The following SYDE2 variants were observed in gnomAD, a reference collection of about 807,000 sequenced individuals.
SYDE2 encodes rho GTPase-activating protein SYDE2.
In SYDE2, 76 loss-of-function variants were observed where a neutral mutation model predicts 91.5. That is an observed-to-expected ratio of 0.83 (90% confidence interval 0.69 to 1.01). The LOEUF (loss-of-function observed/expected upper bound fraction) is 1.01, where lower values mean the gene tolerates loss of function less well. Among genes scored for constraint, SYDE2 ranks in the 50% least tolerant of loss-of-function variants. The pLI, the probability that SYDE2 is intolerant of heterozygous loss-of-function variation, is 0.00. For missense variants in SYDE2, 1,364 were observed against 1,367.7 expected, an observed-to-expected ratio of 1.00 and a Z score of 0.04; for synonymous variants, 513 against 506.4, an observed-to-expected ratio of 1.01 and a Z score of -0.18.
intron 1 of SYDE2, among the ~76,000 whole-genome samples, chr1:85,194,561 TA>T (rs1346641191): frequency 6.6e-6 from 1 of 151,046 alleles, no homozygotes; most frequent in Non-Finnish European, 1.5e-5. Flanking sequence ...TAAAAATAAG[TA>T]TGCAAAGTTA....
At chr1:85,174,664 T>C (rs1657626599) in intron 4 of SYDE2, among the ~76,000 whole-genome samples, 1 of 152,148 alleles carries the variant, frequency 6.6e-6, no homozygotes, top group Non-Finnish European at 1.5e-5. Context: ...TTACTCTTTT[T>C]GGCCTTACCA....
chr1:85,180,444 C>A (rs1436620082), intron 3 of SYDE2, among the ~76,000 whole-genome samples: 1 of 152,128 alleles, frequency 6.6e-6, no homozygotes, highest in African/African-American at 2.4e-5. Context: ...GTAATCCCAG[C>A]ACTTTGGGAG....
At chr1:85,195,086 C>T (rs562872830) in intron 1 of SYDE2, among the ~76,000 whole-genome samples, 7 of 151,086 alleles carry the variant, frequency 4.6e-5, no homozygotes, top group East Asian at 1.9e-4. Context: ...CGTGAACCCG[C>T]GAGGCAGAGC....
intron 4 of SYDE2, among the ~76,000 whole-genome samples, chr1:85,174,424 G>A (rs1657614910): frequency 6.6e-6 from 1 of 150,730 alleles, no homozygotes; most frequent in South Asian, 2.1e-4. Context: ...ACCATATTCT[G>A]GGCTTCAAAA....
intron 5 of SYDE2, among the ~76,000 whole-genome samples, chr1:85,168,199 C>T (rs1017713903): frequency 1.3e-5 from 2 of 152,140 alleles, no homozygotes; most frequent in African/African-American, 4.8e-5. Context: ...TCACCCCACC[C>T]TTGTGCTTCT....
intron 4 of SYDE2, among the ~76,000 whole-genome samples, chr1:85,173,220 C>T (rs903015437): frequency 6.6e-6 from 1 of 152,030 alleles, no homozygotes; most frequent in Non-Finnish European, 1.5e-5. Flanking sequence ...AGAGAGAGAG[C>T]AGATGATATG....
chr1:85,192,517 G>T (rs1658410240), intron 1 of SYDE2, among the ~76,000 whole-genome samples: 1 of 152,082 alleles, frequency 6.6e-6, no homozygotes, highest in African/African-American at 2.4e-5. Flanking sequence ...AACACAAATT[G>T]CAAGTCACAT....
intron 3 of SYDE2, among the ~76,000 whole-genome samples, 181 bp from the exon 4 acceptor site, chr1:85,178,453 A>G (rs1343816422): frequency 3.3e-5 from 5 of 152,190 alleles, no homozygotes; most frequent in African/African-American, 7.2e-5. Context: ...AAAATATCCT[A>G]TTCTTTCATT....
At chr1:85,198,414 T>C (rs186862375) in intron 1 of SYDE2, among the ~76,000 whole-genome samples, 3 of 152,334 alleles carry the variant, frequency 2.0e-5, no homozygotes, top group Admixed American at 6.5e-5. Context: ...ATACTAGATA[T>C]GTAAACACTG....
At chr1:85,185,198 A>G (rs537916294) in intron 2 of SYDE2, among the ~76,000 whole-genome samples, 20 of 147,834 alleles carry the variant, frequency 1.4e-4, no homozygotes, top group African/African-American at 4.9e-4. Context: ...ATTTTACAAT[A>G]TTAAATGTAA....
At chr1:85,187,706 T>A (rs199669666) in intron 2 of SYDE2, among the ~76,000 whole-genome samples, 1 of 142,102 alleles carries the variant, frequency 7.0e-6, no homozygotes, top group African/African-American at 2.5e-5. Flanking sequence ...ATGAGTTCAT[T>A]TCCTTTGTAG....
chr1:85,171,430 G>A lies in SYDE2; in HGVS notation c.2672-2205C>T, dbSNP rs557443882. Among the ~76,000 whole-genome samples, 297 of 152,210 alleles carry A rather than the reference G, an allele frequency of 2.0e-3. 2 individuals are homozygous for A. Among genetic ancestry groups the A allele is most frequent in the African/African-American group, 6.9e-3 (287 of 41,528 alleles). On this transcript the variant is annotated intron_variant, in intron 4 of 6. Coordinates refer to ENST00000341460, the MANE Select transcript of SYDE2 (RefSeq NM_032184.2). ...GGCGAGAGGAGAGTGGCAAAAGTGA[G>A]GCCAAGTCGAGGAAAAATGTTTCAA...
intron 4 of SYDE2, among the ~76,000 whole-genome samples, chr1:85,172,694 T>C (rs1246297972): frequency 6.6e-6 from 1 of 152,160 alleles, no homozygotes; most frequent in Admixed American, 6.5e-5. Flanking sequence ...GGAGAGACTT[T>C]GCAGGTCGCA....
chr1:85,154,641 G>C (rs114686629), downstream of SYDE2, among the ~76,000 whole-genome samples: 408 of 151,374 alleles, frequency 2.7e-3, 1 homozygote, highest in African/African-American at 9.1e-3. Flanking sequence ...TCATTCAGCT[G>C]CTCAGGCCCT....
chr1:85,190,765 T>A lies in SYDE2; in HGVS notation c.746-13A>T. The A allele has an allele frequency of 6.3e-7, 1 of 1,575,574 alleles. No homozygotes were observed. Among genetic ancestry groups the A allele is most frequent in the Non-Finnish European group, 8.6e-7 (1 of 1,161,130 alleles). ...TTTTCAAATAAATCTGTTGCAAAGA[T>A]AGAATAGAAGGTAGAATATAATGGC... On this transcript the variant is annotated splice_polypyrimidine_tract_variant and intron_variant, in intron 1 of 6. Coordinates refer to ENST00000341460, the MANE Select transcript of SYDE2 (RefSeq NM_032184.2).
rs756892462 is a variant in SYDE2 at position 85,169,086 on chromosome 1, C to T, written c.2811G>A (p.Lys937=). 29 of 1,613,902 alleles carry T rather than the reference C, an allele frequency of 1.8e-5. No individual in the cohort carries two copies. The highest frequency in any genetic ancestry group is 2.5e-5 in the Non-Finnish European group (29 of 1,179,812). ...GACAATCCAGCAGGTCAACAGTGTA[C>T]TTAGAGTCACCTGGGTCATTCTCAC... is the stretch of plus-strand genomic sequence containing the variant. ...NGCENDPGDS[K]YTVDLLDCLP... is the part of the protein sequence containing the mutation. Residue 937 remains lysine (K), a synonymous_variant, in exon 5 of 7, where the codon AAG becomes AAA. Coordinates refer to ENST00000341460, the MANE Select transcript of SYDE2 (RefSeq NM_032184.2).
intron 1 of SYDE2, among the ~76,000 whole-genome samples, chr1:85,191,629 G>A (rs529642545): frequency 2.1e-4 from 32 of 152,026 alleles, no homozygotes; most frequent in African/African-American, 6.3e-4. Context: ...ATGGTGGCAC[G>A]TGCCTGCAGT....
At position 85,200,477 on chromosome 1, in the gene SYDE2, G is replaced by A. The variant is rs374908077; in HGVS notation, c.520C>T (p.Arg174Cys). 5.8e-5 allele frequency: 94 copies of A among 1,613,744 alleles called. No individual in the cohort carries two copies. Among genetic ancestry groups the A allele is most frequent in the Non-Finnish European group, 7.4e-5 (87 of 1,179,878 alleles). ...CTGAGGAAGGAGGGGCCTTCCTGGC[G>A]GTCTCCTTTGCCACTGCGTATCACA... ...SSVIRSGKGDRQEGPSFLRPP... is the reference protein window; with the variant it reads ...SSVIRSGKGDCQEGPSFLRPP... The change falls in exon 1 of 7, where the codon CGC becomes TGC. Residue 174 changes from arginine (R) to cysteine (C), a missense_variant. Transcript: ENST00000341460.
intron 3 of SYDE2, 31 bp downstream of exon 3, chr1:85,182,063 AAAGG>A: frequency 6.6e-7 from 1 of 1,519,504 alleles, no homozygotes; most frequent in South Asian, 1.4e-5. Context: ...ATCAATCAAT[AAAGG>A]AAGTAGTAGG....
Sources: gnomAD v4.1 joint callset for allele counts (sites outside exome capture counted in the v4.1 genomes callset) on GRCh38, gnomAD v4.1.1 for gene constraint, MANE v1.5 for transcripts, NCBI Gene and HGNC (gene_info 2026-07-23, HGNC 2026-07-21) for gene names.